EXOC6B: variants seen among roughly 807,000 people sequenced by gnomAD.
EXOC6B encodes the protein SEC15 homolog B.
Under a neutral mutation model 113.5 loss-of-function variants are expected in EXOC6B, and 54 were observed. The ratio of observed to expected loss-of-function variants is 0.48; its 90% CI spans 0.38 to 0.60. EXOC6B has a LOEUF of 0.60. Among genes scored for constraint, EXOC6B ranks in the 20% least tolerant of loss-of-function variants. EXOC6B has a pLI of 0.00. For synonymous variants in EXOC6B, 357 were observed against 339.0 expected (o/e 1.05, Z -0.58); for missense variants, 797 against 977.5 (o/e 0.82, Z 2.46).
At chr2:72,755,527 C>T (rs936017045) in intron 1 of EXOC6B, among the ~76,000 whole-genome samples, 5 of 152,052 alleles carry the variant, frequency 3.3e-5, no homozygotes, top group African/African-American at 1.2e-4. Context: ...CAAAGAGAAG[C>T]ACTAGAGTTC....
At chr2:72,636,153 T>C (rs748915522) in intron 6 of EXOC6B, among the ~76,000 whole-genome samples, 13 of 151,582 alleles carry the variant, frequency 8.6e-5, no homozygotes, top group Admixed American at 2.6e-4. Flanking sequence ...ACCTCAGGAG[T>C]TTGAGGCTGT....
intron 19 of EXOC6B, among the ~76,000 whole-genome samples, chr2:72,356,372 A>C (rs1303088802): frequency 1.3e-5 from 2 of 152,106 alleles, no homozygotes; most frequent in Non-Finnish European, 2.9e-5. Flanking sequence ...TTCCTGTGAA[A>C]CCAACATTAT....
intron 6 of EXOC6B, among the ~76,000 whole-genome samples, chr2:72,609,505 T>A (rs1348353384): frequency 4.9e-5 from 7 of 141,680 alleles, no homozygotes; most frequent in South Asian, 2.2e-4. Context: ...GAATGATCAA[T>A]AAAAAATAAA....
At chr2:72,550,971 T>C (rs1703188264) in intron 8 of EXOC6B, among the ~76,000 whole-genome samples, 1 of 150,690 alleles carries the variant, frequency 6.6e-6, no homozygotes. Context: ...CAGGCTGAAG[T>C]GCAATGGCGC....
intron 19 of EXOC6B, among the ~76,000 whole-genome samples, chr2:72,351,046 T>C (rs1054540848): frequency 6.6e-6 from 1 of 152,102 alleles, no homozygotes; most frequent in African/African-American, 2.4e-5. Flanking sequence ...TTTCCATCCA[T>C]TGACGGGCAG....
chr2:72,750,849 C>T (rs1558972310), intron 1 of EXOC6B, among the ~76,000 whole-genome samples: 1 of 152,044 alleles, frequency 6.6e-6, no homozygotes, highest in African/African-American at 2.4e-5. Flanking sequence ...ACCTATACTT[C>T]TAGGAATTCT....
intron 1 of EXOC6B, among the ~76,000 whole-genome samples, chr2:72,782,695 C>CA (rs2104998206): frequency 6.6e-6 from 1 of 152,296 alleles, no homozygotes; most frequent in East Asian, 1.9e-4. Flanking sequence ...CCCACCCTCC[C>CA]ACTCCTCTGG....
intron 6 of EXOC6B, among the ~76,000 whole-genome samples, chr2:72,662,537 G>A (rs996228378): frequency 1.6e-4 from 24 of 152,168 alleles, no homozygotes; most frequent in African/African-American, 5.1e-4. Context: ...ACAACTGAAT[G>A]TAAAATAAAT....
At chr2:72,785,911 T>C (rs1218085124) in intron 1 of EXOC6B, among the ~76,000 whole-genome samples, 1 of 152,230 alleles carries the variant, frequency 6.6e-6, no homozygotes, top group African/African-American at 2.4e-5. Context: ...CAAACTTTTA[T>C]GCTCTGCTTC....
At chr2:72,342,105 T>G (rs940960569) in intron 19 of EXOC6B, among the ~76,000 whole-genome samples, 2 of 152,116 alleles carry the variant, frequency 1.3e-5, no homozygotes, top group African/African-American at 4.8e-5. Context: ...GAGGGAAGTT[T>G]ATTCTTATTA....
chr2:72,688,190 C>A (rs1010387622), intron 6 of EXOC6B, among the ~76,000 whole-genome samples: 1 of 152,092 alleles, frequency 6.6e-6, no homozygotes, highest in Admixed American at 6.6e-5. Flanking sequence ...TGAGCATGTA[C>A]AGAAATAGGG....
chr2:72,277,234 T>TA lies in EXOC6B; in HGVS notation c.2196+57712dup, dbSNP rs201277859. 1.1e-4 allele frequency among the ~76,000 whole-genome samples: 16 copies of TA among 152,296 alleles called. No individual in the cohort carries two copies. The East Asian group carries it at 3.1e-3, about 29-fold the overall frequency. On this transcript the variant is annotated intron_variant, in intron 20 of 21. Transcript: ENST00000272427. ...CTTTCTTCCCCACAAATAAATTTTA[T>TA]AAAAAAGTCCAATATATAAAAATAT...
chr2:72,202,666 C>T (rs1199996415), intron 20 of EXOC6B, among the ~76,000 whole-genome samples: 2 of 152,196 alleles, frequency 1.3e-5, no homozygotes, highest in Non-Finnish European at 2.9e-5. Flanking sequence ...TACCTGAGAT[C>T]TCTCCCATGT....
At chr2:72,460,657 G>T (rs1368919590) in intron 18 of EXOC6B, among the ~76,000 whole-genome samples, 2 of 152,162 alleles carry the variant, frequency 1.3e-5, no homozygotes, top group African/African-American at 2.4e-5. Flanking sequence ...ATCACAATGA[G>T]ATACCATCTC....
chr2:72,408,286 C>T (rs966040811), intron 18 of EXOC6B, among the ~76,000 whole-genome samples: 1 of 152,154 alleles, frequency 6.6e-6, no homozygotes, highest in Non-Finnish European at 1.5e-5. Flanking sequence ...AATGGCCATA[C>T]TGCCCAAAGT....
intron 20 of EXOC6B, among the ~76,000 whole-genome samples, chr2:72,198,509 T>C (rs1679306447): frequency 6.6e-6 from 1 of 152,208 alleles, no homozygotes; most frequent in African/African-American, 2.4e-5. Context: ...TTCTGTGAGA[T>C]AGGTTATTAT....
chr2:72,721,390 G>GAAAAAAAAAAAAAAAAAAAAAAAA (rs1679996399), intron 5 of EXOC6B, among the ~76,000 whole-genome samples: 1 of 52,034 alleles, frequency 1.9e-5, no homozygotes, highest in African/African-American at 8.6e-5. Flanking sequence ...AAAAAAAAAT[G>GAAAAAAAAAAAAAAAAAAAAAAAA]AACAAAGAAA....
At chr2:72,205,422 A>C (rs754772614) in intron 20 of EXOC6B, among the ~76,000 whole-genome samples, 1 of 152,200 alleles carries the variant, frequency 6.6e-6, no homozygotes, top group Non-Finnish European at 1.5e-5. Context: ...TAGGATTCCA[A>C]AGCCAAGATA....
chr2:72,276,363 T>C (rs1269231749), intron 20 of EXOC6B, among the ~76,000 whole-genome samples: 1 of 152,180 alleles, frequency 6.6e-6, no homozygotes, highest in Non-Finnish European at 1.5e-5. Context: ...TGAGTAGGTA[T>C]AGAAAAGGAA....
Sources: gnomAD v4.1 joint callset for allele counts (sites outside exome capture counted in the v4.1 genomes callset) on GRCh38, gnomAD v4.1.1 for gene constraint, MANE v1.5 for transcripts, NCBI Gene and HGNC (gene_info 2026-07-23, HGNC 2026-07-21) for gene names.